The following CHMP6 variants were observed in gnomAD, a reference collection of about 807,000 sequenced individuals.
CHMP6 encodes the protein charged multivesicular body protein 6, also known as chromatin-modifying protein 6.
Under a neutral mutation model 32.8 loss-of-function variants are expected in CHMP6, and 10 were observed. The ratio of observed to expected loss-of-function variants is 0.30; its 90% CI spans 0.19 to 0.52. CHMP6 has a LOEUF of 0.52. CHMP6 is among the 20% of genes least tolerant of loss of function. The pLI is 0.97. For synonymous variants in CHMP6, 123 were observed against 105.8 expected (o/e 1.16, Z -1.00); for missense variants, 269 against 263.8 (o/e 1.02, Z -0.14).
In CHMP6 at chr17:80,996,541, G is replaced by A. The variant is rs77461121; in HGVS notation, c.349-466G>A. ...TCCAAGTGTTTGGTGAGTACTGGTG[G>A]TGTGTGCCGGTCAAGCACAAGTGGC... On this transcript the variant is annotated intron_variant, in intron 4 of 7. Transcript: ENST00000325167. Among the ~76,000 whole-genome samples the A allele has an allele frequency of 2.0e-3, 307 of 152,336 alleles. 2 individuals carry two copies. Among genetic ancestry groups the A allele is most frequent in the African/African-American group, 6.9e-3 (286 of 41,582 alleles).
At chr17:80,992,833 C>T (rs1358393135) in intron 1 of CHMP6, among the ~76,000 whole-genome samples, 1 of 152,334 alleles carries the variant, frequency 6.6e-6, no homozygotes, top group Non-Finnish European at 1.5e-5. Context: ...GCAGGGCTAG[C>T]TTTTTCGGAT....
In CHMP6 at chr17:80,991,886, T is replaced by C. The variant is rs1329051774; in HGVS notation, c.-33T>C. 2 of 1,400,496 alleles carry C rather than the reference T, an allele frequency of 1.4e-6. No individual in the cohort carries two copies. Among genetic ancestry groups the C allele is most frequent in the South Asian group, 2.9e-5 (2 of 67,888 alleles). The allele number at this position is 1,400,496 out of a possible 1,614,324, so 86.8% of individuals were successfully genotyped here. On this transcript the variant is annotated 5_prime_UTR_variant, in exon 1 of 8. Transcript: ENST00000325167. ...CGCGGGGCGGCGGTGGCGATTGGAC[T>C]TGGTGGGTCCCGGGCCAGGGGCGGG... is the stretch of plus-strand genomic sequence containing the variant.
Position 80,992,612 on chromosome 17 carries a change from G to A in CHMP6, c.63+631G>A, listed in dbSNP as rs2069602633. Among the ~76,000 whole-genome samples, 5 of 152,286 alleles carry A rather than the reference G, an allele frequency of 3.3e-5. No homozygotes were observed. The South Asian group carries it at 1.0e-3, about 32-fold the overall frequency. On this transcript the variant is annotated intron_variant, in intron 1 of 7. Transcript: ENST00000325167. ...CCTGCCGGGCTTCCGCAGCGCCTGG[G>A]TACGGGACCACCGTGTTTGGCGCGT... is the stretch of plus-strand genomic sequence containing the variant.
intron 6 of CHMP6, among the ~76,000 whole-genome samples, chr17:80,997,577 T>C (rs983008365): frequency 6.6e-6 from 1 of 152,096 alleles, no homozygotes; most frequent in Admixed American, 6.6e-5. Flanking sequence ...TGCTGGGCCT[T>C]CCTGGCGCCT....
intron 4 of CHMP6, 139 bp from the exon 5 acceptor site, chr17:80,996,868 A>G (rs573860356): frequency 1.1e-6 from 1 of 889,344 alleles, no homozygotes; most frequent in Admixed American, 2.9e-5. Flanking sequence ...CCTGGGCAAC[A>G]CAGCCAGACC....
chr17:80,999,070 G>A (rs2069663406), intron 7 of CHMP6, 28 bp from the exon 8 acceptor site: 2 of 1,613,348 alleles, frequency 1.2e-6, no homozygotes, highest in Middle Eastern at 1.6e-4. Context: ...TCTTTGGCGT[G>A]TCATAAACAT....
chr17:80,994,515 G>T (rs527407115), intron 1 of CHMP6, 66 bp from the exon 2 acceptor site: 2 of 1,428,948 alleles, frequency 1.4e-6, no homozygotes, highest in East Asian at 2.8e-5. Flanking sequence ...CATGCCTGGC[G>T]CTCAGTAGCG....
chr17:80,999,094 A>G lies in CHMP6; in HGVS notation c.551-4A>G, dbSNP rs779090882. On this transcript the variant is annotated splice_region_variant and splice_polypyrimidine_tract_variant and intron_variant, in intron 7 of 7. Coordinates refer to ENST00000325167, the MANE Select transcript of CHMP6 (RefSeq NM_024591.5). ...TGTCATAAACATCTCTGTTTCCTCC[A>G]CAGAAAACGTCCCTGTCAAGGCCAG... 1.4e-5 allele frequency: 23 copies of G among 1,613,466 alleles called. No homozygotes were observed. The East Asian group carries it at 3.6e-4, about 25-fold the overall frequency.
intron 4 of CHMP6, among the ~76,000 whole-genome samples, 161 bp from the exon 5 acceptor site, chr17:80,996,846 G>A (rs923947072): frequency 5.3e-5 from 8 of 152,164 alleles, no homozygotes; most frequent in African/African-American, 1.9e-4. Context: ...TGGACGGATC[G>A]CTTGAGCCCA....
chr17:80,992,390 G>GC (rs11409482), intron 1 of CHMP6, among the ~76,000 whole-genome samples: 91,794 of 151,750 alleles, frequency 0.6, 28,022 homozygotes, highest in Admixed American at 0.65. Flanking sequence ...CGGAGTCGCT[G>GC]CCCCCGCCCC....
Position 80,997,277 on chromosome 17 carries a change from T to A in CHMP6, c.431T>A (p.Leu144Gln). ...VEYQRQIDEL[L>Q]AGSFTQEDED... is the part of the protein sequence containing the mutation. ...CTTTTGCAGCAAATAGACGAGCTCC[T>A]GGCAGGAAGCTTCACTCAGGAGGAT... is the stretch of plus-strand genomic sequence containing the variant. The change falls in exon 6 of 8, where the codon CTG becomes CAG. Residue 144 changes from leucine (L) to glutamine (Q), a missense_variant. By Grantham distance (113) the Leu-to-Gln change is moderately radical. Coordinates refer to ENST00000325167, the MANE Select transcript of CHMP6 (RefSeq NM_024591.5). 1 of 1,573,612 alleles carries A rather than the reference T, an allele frequency of 6.4e-7. No individual in the cohort carries two copies. Among genetic ancestry groups the A allele is most frequent in the Non-Finnish European group, 8.7e-7 (1 of 1,155,620 alleles).
chr17:80,992,539 G>A lies in CHMP6; in HGVS notation c.63+558G>A, dbSNP rs188216147. Among the ~76,000 whole-genome samples, 1,077 of 152,330 alleles carry A rather than the reference G, an allele frequency of 7.1e-3. 12 individuals carry two copies. Among genetic ancestry groups the A allele is most frequent in the African/African-American group, 0.024 (1,011 of 41,574 alleles). On this transcript the variant is annotated intron_variant, in intron 1 of 7. Coordinates refer to ENST00000325167, the MANE Select transcript of CHMP6 (RefSeq NM_024591.5). Reference sequence around the variant, plus strand: ...TGGAAGGAAGTCTGCCCTGGTCCGAGGAGCGGCCGACAGGTGCGCCGAACG... The same window carrying A: ...TGGAAGGAAGTCTGCCCTGGTCCGAAGAGCGGCCGACAGGTGCGCCGAACG...
intron 3 of CHMP6, 93 bp from the exon 4 acceptor site, chr17:80,995,579 C>G: frequency 9.3e-7 from 1 of 1,076,430 alleles, no homozygotes; most frequent in Non-Finnish European, 1.4e-6. Flanking sequence ...CAGCACCCGC[C>G]CAGCAAGGGT....
intron 3 of CHMP6, 148 bp downstream of exon 3, chr17:80,995,254 G>A: frequency 1.3e-6 from 1 of 745,682 alleles, no homozygotes; most frequent in Non-Finnish European, 2.2e-6. Flanking sequence ...GGCGGGCCTG[G>A]AATCCCGGGG....
intron 4 of CHMP6, 47 bp downstream of exon 4, chr17:80,995,805 G>A (rs1401988479): frequency 6.4e-7 from 1 of 1,565,064 alleles, no homozygotes; most frequent in Non-Finnish European, 8.8e-7. Flanking sequence ...GGAGCCCATT[G>A]GGCTGGAGCT....
At chr17:80,993,171 G>A (rs1187359480) in intron 1 of CHMP6, among the ~76,000 whole-genome samples, 1 of 152,228 alleles carries the variant, frequency 6.6e-6, no homozygotes, top group Non-Finnish European at 1.5e-5. Context: ...GTGGGCTCTC[G>A]GCTGTGCAGA....
chr17:80,999,034 C>G, intron 7 of CHMP6, 64 bp from the exon 8 acceptor site: 2 of 1,595,556 alleles, frequency 1.3e-6, no homozygotes, highest in East Asian at 2.2e-5. Flanking sequence ...TGGCCTCGTC[C>G]CTCTCTGGAG....
intron 5 of CHMP6, 73 bp from the exon 6 acceptor site, chr17:80,997,188 A>G: frequency 1.2e-6 from 2 of 1,603,454 alleles, no homozygotes; most frequent in Non-Finnish European, 8.5e-7. Flanking sequence ...GACGAGACCC[A>G]GCCACAGGCC....
chr17:80,996,492 C>T (rs539596228), intron 4 of CHMP6, among the ~76,000 whole-genome samples: 31 of 152,322 alleles, frequency 2.0e-4, no homozygotes, highest in African/African-American at 7.2e-4. Context: ...ACTCACCTGG[C>T]GGGAGGTCTG....
Sources: gnomAD v4.1 joint callset for allele counts (sites outside exome capture counted in the v4.1 genomes callset) on GRCh38, gnomAD v4.1.1 for gene constraint, MANE v1.5 for transcripts, NCBI Gene and HGNC (gene_info 2026-07-23, HGNC 2026-07-21) for gene names.